Variants in MEIS1 observed in about 807,000 individuals in gnomAD.
The protein encoded by MEIS1 is homeobox protein Meis1.
A neutral mutation model predicts 50.8 loss-of-function variants in MEIS1; 5 were observed. The ratio of observed to expected loss-of-function variants is 0.10; its 90% CI spans 0.05 to 0.21. MEIS1 has a LOEUF of 0.21. Among genes scored for constraint, MEIS1 ranks in the 10% least tolerant of loss-of-function variants. The pLI, the probability that MEIS1 is intolerant of heterozygous loss-of-function variation, is 1.00. For missense variants in MEIS1, 318 were observed against 517.3 expected (o/e 0.61, Z 3.74); for synonymous variants, 176 against 179.3 (o/e 0.98, Z 0.15).
At chr2:66,480,333 A>C (rs1672987580) in intron 7 of MEIS1, among the ~76,000 whole-genome samples, 1 of 152,224 alleles carries the variant, frequency 6.6e-6, no homozygotes, top group Non-Finnish European at 1.5e-5. Context: ...GTCTACTAAC[A>C]GCTGTGGCCA....
intron 7 of MEIS1, among the ~76,000 whole-genome samples, chr2:66,510,285 T>C (rs1419760280): frequency 6.6e-6 from 1 of 152,214 alleles, no homozygotes; most frequent in Non-Finnish European, 1.5e-5. Flanking sequence ...TACTTGGTTA[T>C]GCAAATAAAG....
intron 8 of MEIS1, among the ~76,000 whole-genome samples, chr2:66,542,952 C>T (rs911735021): frequency 6.6e-6 from 1 of 152,112 alleles, no homozygotes; most frequent in African/African-American, 2.4e-5. Flanking sequence ...CTGTCTCTTC[C>T]CCATTGATGC....
At chr2:66,472,689 A>G (rs1672790902) in intron 7 of MEIS1, among the ~76,000 whole-genome samples, 1 of 152,190 alleles carries the variant, frequency 6.6e-6, no homozygotes, top group Admixed American at 6.5e-5. Context: ...ATTAGGTTCA[A>G]ATTGCAGAGG....
At chr2:66,571,212 TTC>T in intron 12 of MEIS1, 32 bp from the exon 13 acceptor site, 1 of 1,544,720 alleles carries the variant, frequency 6.5e-7, no homozygotes, top group South Asian at 1.2e-5. Flanking sequence ...TCATAACATT[TTC>T]TTTTTGTTTC....
intron 7 of MEIS1, among the ~76,000 whole-genome samples, chr2:66,489,206 A>G (rs947451376): frequency 4.8e-4 from 73 of 152,212 alleles, no homozygotes; most frequent in African/African-American, 1.5e-3. Context: ...CTTAGCAACA[A>G]TGCATTTTTA....
At chr2:66,520,324 A>T (rs1051517828) in intron 8 of MEIS1, among the ~76,000 whole-genome samples, 50 of 151,832 alleles carry the variant, frequency 3.3e-4, no homozygotes, top group Middle Eastern at 6.8e-3. Context: ...AATAAAAAAA[A>T]AAAAAAATTA....
At chr2:66,516,749 C>T (rs1187236941) in intron 8 of MEIS1, among the ~76,000 whole-genome samples, 5 of 152,074 alleles carry the variant, frequency 3.3e-5, no homozygotes, top group African/African-American at 4.8e-5. Context: ...CCTGCGGGTC[C>T]GCCACTCTAA....
At chr2:66,488,297 G>A (rs1183329465) in intron 7 of MEIS1, among the ~76,000 whole-genome samples, 2 of 152,120 alleles carry the variant, frequency 1.3e-5, no homozygotes, top group Non-Finnish European at 2.9e-5. Context: ...TCATGTATGA[G>A]GTCACCTTAC....
intron 7 of MEIS1, among the ~76,000 whole-genome samples, chr2:66,501,545 G>A (rs1673557699): frequency 1.3e-5 from 2 of 150,862 alleles, no homozygotes; most frequent in South Asian, 4.2e-4. Context: ...CTGTGTGTAG[G>A]CAACCAATTT....
At chr2:66,563,380 A>T (rs1675265553) in intron 9 of MEIS1, among the ~76,000 whole-genome samples, 2 of 152,066 alleles carry the variant, frequency 1.3e-5, no homozygotes, top group South Asian at 4.1e-4. Flanking sequence ...TGAATCTCTA[A>T]TATATATTTG....
intron 3 of MEIS1, chr2:66,440,333 G>T: frequency 1.7e-6 from 1 of 603,768 alleles, no homozygotes; most frequent in Non-Finnish European, 2.9e-6. Flanking sequence ...GAGAGCCGTA[G>T]TTGCTAGTAG....
At chr2:66,522,353 A>G (rs1242031560) in intron 8 of MEIS1, among the ~76,000 whole-genome samples, 1 of 152,216 alleles carries the variant, frequency 6.6e-6, no homozygotes, top group Non-Finnish European at 1.5e-5. Context: ...GAGGAAGTTT[A>G]CTTTTTAGAT....
intron 6 of MEIS1, among the ~76,000 whole-genome samples, chr2:66,448,363 C>T (rs969162103): frequency 1.1e-4 from 17 of 152,196 alleles, no homozygotes; most frequent in African/African-American, 3.9e-4. Flanking sequence ...ATTCTATACT[C>T]TTAAAAAACA....
intron 6 of MEIS1, chr2:66,454,857 T>A (rs1184616601): frequency 6.6e-6 from 1 of 152,074 alleles, no homozygotes; most frequent in Non-Finnish European, 1.5e-5. Context: ...TAGAAAATGA[T>A]CAGAGTTCAG....
intron 8 of MEIS1, among the ~76,000 whole-genome samples, chr2:66,520,325 A>C (rs1367840251): frequency 6.6e-6 from 1 of 151,754 alleles, no homozygotes; most frequent in Non-Finnish European, 1.5e-5. Context: ...ATAAAAAAAA[A>C]AAAAAATTAG....
At chr2:66,528,080 A>T (rs1296193891) in intron 8 of MEIS1, among the ~76,000 whole-genome samples, 7 of 152,168 alleles carry the variant, frequency 4.6e-5, no homozygotes, top group African/African-American at 1.7e-4. Flanking sequence ...GTACAAAGAA[A>T]TGAATGAGTA....
intron 2 of MEIS1, 81 bp from the exon 3 acceptor site, chr2:66,439,762 C>G: frequency 5.0e-6 from 8 of 1,605,724 alleles, no homozygotes; most frequent in Non-Finnish European, 6.8e-6. Context: ...CTTGCTCCTC[C>G]AGCTGTTTTT....
chr2:66,470,740 C>T lies in MEIS1; in HGVS notation c.742+6520C>T, dbSNP rs79511899. Reference sequence around the variant, plus strand: ...AAGTGCATTTGAAATTATTTACAGCCGAGTAGAGATATTCTTCGAACACAG... The same window carrying T: ...AAGTGCATTTGAAATTATTTACAGCTGAGTAGAGATATTCTTCGAACACAG... On this transcript the variant is annotated intron_variant, in intron 7 of 12. Transcript: ENST00000272369. Among the ~76,000 whole-genome samples the T allele has an allele frequency of 3.9e-3, 594 of 152,112 alleles. 6 individuals carry two copies. Among genetic ancestry groups the T allele is most frequent in the African/African-American group, 0.013 (549 of 41,498 alleles).
chr2:66,548,064 C>T, intron 9 of MEIS1, 45 bp downstream of exon 9: 3 of 1,578,486 alleles, frequency 1.9e-6, no homozygotes, highest in South Asian at 1.1e-5. Context: ...GTTTCCCCCT[C>T]TGGCAACCTG....
Sources: gnomAD v4.1 joint callset for allele counts (sites outside exome capture counted in the v4.1 genomes callset) on GRCh38, gnomAD v4.1.1 for gene constraint, MANE v1.5 for transcripts, NCBI Gene and HGNC (gene_info 2026-07-23, HGNC 2026-07-21) for gene names.